The following DISC1 variants were observed in gnomAD, a reference collection of about 807,000 sequenced individuals.
The protein encoded by DISC1 is disrupted in schizophrenia 1 protein.
A neutral mutation model predicts 84.5 loss-of-function variants in DISC1; 57 were observed. That is an observed-to-expected ratio of 0.67 (90% CI 0.55 to 0.84). DISC1 has a LOEUF of 0.84. Among genes scored for constraint, DISC1 ranks in the 40% least tolerant of loss-of-function variants. DISC1 has a pLI of 0.00. For missense variants in DISC1, 1,000 were observed against 1,057.8 expected, an observed-to-expected ratio of 0.95 and a Z score of 0.76; for synonymous variants, 411 against 415.2, an observed-to-expected ratio of 0.99 and a Z score of 0.12.
rs181027818 is a variant in DISC1, at chr1:231,708,838, C to T, written c.1117+6814C>T. Among the ~76,000 whole-genome samples the T allele has an allele frequency of 2.1e-3, 308 of 147,026 alleles. 2 individuals are homozygous for T. The highest frequency in any genetic ancestry group is 3.1e-3 in the Non-Finnish European group (203 of 66,038). On this transcript the variant is annotated intron_variant, in intron 3 of 12. Transcript: ENST00000439617. ...GACAGTGAGGAAAGGAACAGATGAGCGCTCTACACTTGGAGGTAGCAGGAA... is the reference window on the plus strand; with the variant it reads ...GACAGTGAGGAAAGGAACAGATGAGTGCTCTACACTTGGAGGTAGCAGGAA...
chr1:231,725,021 C>G (rs1191965126), intron 3 of DISC1, among the ~76,000 whole-genome samples: 1 of 152,066 alleles, frequency 6.6e-6, no homozygotes, highest in Non-Finnish European at 1.5e-5. Context: ...CTGTCTGTTT[C>G]CAGGATCAGT....
chr1:231,781,604 A>G (rs2077439990), intron 6 of DISC1, among the ~76,000 whole-genome samples: 1 of 152,336 alleles, frequency 6.6e-6, no homozygotes, highest in Non-Finnish European at 1.5e-5. Context: ...AGTCGATTTC[A>G]ACTTTTAGTT....
chr1:231,928,767 C>T (rs1346261353), intron 9 of DISC1, among the ~76,000 whole-genome samples: 2 of 152,108 alleles, frequency 1.3e-5, no homozygotes, highest in African/African-American at 4.8e-5. Flanking sequence ...ACTTTGTTCT[C>T]ATTGGTTTCA....
chr1:231,800,104 CT>C lies in DISC1; in HGVS notation c.1690-3del, dbSNP rs769160349. ...ATGATTCCTGGTCATTTCTCTCCCC[CT>C]AGGTGTGTATGAGTGAGAAATTCTG... is the stretch of plus-strand genomic sequence containing the variant. On this transcript the variant is annotated splice_polypyrimidine_tract_variant and splice_region_variant and intron_variant, in intron 7 of 12. Coordinates refer to ENST00000439617, the MANE Select transcript of DISC1 (RefSeq NM_018662.3). The C allele has an allele frequency of 3.1e-6, 5 of 1,605,062 alleles. No homozygotes were observed. Among genetic ancestry groups the C allele is most frequent in the Middle Eastern group, 1.6e-4 (1 of 6,078 alleles).
intron 11 of DISC1, among the ~76,000 whole-genome samples, chr1:232,015,038 C>T (rs958813850): frequency 3.3e-5 from 5 of 152,150 alleles, no homozygotes; most frequent in African/African-American, 1.2e-4. Flanking sequence ...CTGCCCCTGG[C>T]CTGGCCCTGG....
intron 9 of DISC1, among the ~76,000 whole-genome samples, chr1:231,822,032 C>T (rs2081537495): frequency 6.6e-6 from 1 of 152,078 alleles, no homozygotes; most frequent in Admixed American, 6.6e-5. Flanking sequence ...AAGGACAGCC[C>T]TCAGATTTAC....
chr1:231,944,968 G>A (rs112663537), intron 9 of DISC1: 24 of 152,178 alleles, frequency 1.6e-4, no homozygotes, highest in African/African-American at 5.3e-4. Flanking sequence ...CTACAAAGCG[G>A]CTTAGACTCC....
Position 231,834,620 on chromosome 1 carries a change from G to A in DISC1, c.1981+16103G>A, listed in dbSNP as rs183419797. On this transcript the variant is annotated intron_variant, in intron 9 of 12. Transcript: ENST00000439617. ...AATAAGGCATTTAGGTTTTAGGTCAGGTGTAAGTTGAATAGGTTTTAGGTT... is the reference window on the plus strand; with the variant it reads ...AATAAGGCATTTAGGTTTTAGGTCAAGTGTAAGTTGAATAGGTTTTAGGTT... Among the ~76,000 whole-genome samples, 899 of 152,226 alleles carry A rather than the reference G, an allele frequency of 5.9e-3. 11 individuals carry two copies. Among genetic ancestry groups the A allele is most frequent in the African/African-American group, 0.021 (861 of 41,528 alleles).
chr1:232,020,158 A>G (rs1181623024), intron 11 of DISC1, among the ~76,000 whole-genome samples: 1 of 152,064 alleles, frequency 6.6e-6, no homozygotes, highest in East Asian at 1.9e-4. Context: ...CCTGACCAAC[A>G]TGGAGAAACC....
chr1:231,641,629 T>A (rs1290188331), intron 1 of DISC1, among the ~76,000 whole-genome samples: 1 of 152,244 alleles, frequency 6.6e-6, no homozygotes, highest in Non-Finnish European at 1.5e-5. Context: ...TTCTCTTATC[T>A]GGCCCCACCC....
In DISC1 at chr1:231,998,627, T is replaced by A. The variant is rs146752304; in HGVS notation, c.2043-10158T>A. ...GAACCAAGAATATTAAATAAAACCA[T>A]TATTTAAATGGGACTATGAGACCTG... On this transcript the variant is annotated intron_variant, in intron 10 of 12. Transcript: ENST00000439617. 2.4e-3 allele frequency among the ~76,000 whole-genome samples: 363 copies of A among 152,284 alleles called. 2 individuals carry two copies. The highest frequency in any genetic ancestry group is 8.5e-3 in the African/African-American group (355 of 41,558).
At chr1:231,829,639 C>T (rs184241333) in intron 9 of DISC1, among the ~76,000 whole-genome samples, 53 of 152,296 alleles carry the variant, frequency 3.5e-4, no homozygotes, top group Non-Finnish European at 5.0e-4. Context: ...GAGTGAGCCA[C>T]CATGCCCGGC....
chr1:231,936,472 T>C (rs1197095928), intron 9 of DISC1, among the ~76,000 whole-genome samples: 1 of 152,068 alleles, frequency 6.6e-6, no homozygotes, highest in Admixed American at 6.6e-5. Flanking sequence ...CCGTGAAAAA[T>C]AGTGAGACAA....
At chr1:232,021,759 T>C (rs1033392986) in intron 11 of DISC1, among the ~76,000 whole-genome samples, 1 of 152,204 alleles carries the variant, frequency 6.6e-6, no homozygotes, top group African/African-American at 2.4e-5. Flanking sequence ...AAGAACTATT[T>C]ATGATATTCG....
At chr1:231,742,371 G>C (rs997714859) in intron 3 of DISC1, among the ~76,000 whole-genome samples, 7 of 152,218 alleles carry the variant, frequency 4.6e-5, no homozygotes, top group African/African-American at 1.7e-4. Flanking sequence ...CAGTAGCTGA[G>C]AGCTGTGAGA....
chr1:231,730,415 T>A (rs1045652370), intron 3 of DISC1, among the ~76,000 whole-genome samples: 1 of 152,248 alleles, frequency 6.6e-6, no homozygotes, highest in Non-Finnish European at 1.5e-5. Context: ...ATTGACCTTT[T>A]ATTTTTATTT....
intron 9 of DISC1, among the ~76,000 whole-genome samples, chr1:231,825,280 T>C (rs1347050509): frequency 1.3e-5 from 2 of 150,920 alleles, no homozygotes; most frequent in African/African-American, 4.8e-5. Context: ...TCATACCAAA[T>C]TGCAACAGGC....
intron 9 of DISC1, among the ~76,000 whole-genome samples, chr1:231,913,986 C>A (rs780941042): frequency 6.6e-6 from 1 of 152,218 alleles, no homozygotes; most frequent in Non-Finnish European, 1.5e-5. Flanking sequence ...GAAGCCCCCA[C>A]CCAGTGGCTT....
chr1:231,770,940 T>G lies in DISC1; in HGVS notation c.1504T>G (p.Cys502Gly). Residue 502 changes from cysteine (C) to glycine (G), a missense_variant, in exon 6 of 13, where the codon TGC becomes GGC. Cys to Gly is a radical substitution (Grantham distance 159). This residue lies in a region of DISC1 where 311 missense variants were observed against 400.1 expected (regional missense o/e 0.78). Coordinates refer to ENST00000439617, the MANE Select transcript of DISC1 (RefSeq NM_018662.3). ...EQEQQLQWQG[C>G]DLTPLVGQLS... ...AGAGCAGCAACTCCAGTGGCAGGGC[T>G]GCGACCTGACCCCACTGGTGGGCCA... The G allele has an allele frequency of 1.2e-6, 2 of 1,614,124 alleles. No homozygotes were observed.
Sources: allele counts gnomAD v4.1 joint callset (sites outside exome capture counted in the v4.1 genomes callset), GRCh38; gene constraint gnomAD v4.1.1; regional missense constraint gnomAD v4.1.1; transcripts MANE v1.5; gene names NCBI Gene and HGNC (gene_info 2026-07-23, HGNC 2026-07-21).